Variants in HIVEP3 observed in about 807,000 individuals in gnomAD.
HIVEP3 encodes the protein HIVEP zinc finger 3, also known as transcription factor HIVEP3.
A neutral mutation model predicts 152.8 loss-of-function variants in HIVEP3; 49 were observed. That is an observed-to-expected ratio of 0.32 (90% CI 0.26 to 0.41). The LOEUF is 0.41. Among genes scored for constraint, HIVEP3 ranks in the 10% least tolerant of loss-of-function variants. The probability of loss-of-function intolerance (pLI) is 1.00; values close to 1 mark genes in which losing one functional copy is unlikely to be tolerated. For missense variants in HIVEP3, 2,790 were observed against 3,103.3 expected (o/e 0.90, Z 2.40); for synonymous variants, 1,269 against 1,289.0 (o/e 0.98, Z 0.33).
At chr1:41,666,952 C>G (rs1239395257) in intron 2 of HIVEP3, among the ~76,000 whole-genome samples, 2 of 152,184 alleles carry the variant, frequency 1.3e-5, no homozygotes, top group Non-Finnish European at 2.9e-5. Flanking sequence ...ACATTTTGCA[C>G]ATGCAGTTCC....
chr1:41,697,344 C>T (rs539498463), intron 2 of HIVEP3, among the ~76,000 whole-genome samples: 6 of 152,308 alleles, frequency 3.9e-5, no homozygotes, highest in Admixed American at 1.3e-4. Context: ...AAAACAACAA[C>T]AAAAACACCC....
intron 2 of HIVEP3, among the ~76,000 whole-genome samples, chr1:41,685,103 C>T (rs1452972785): frequency 1.3e-5 from 2 of 152,186 alleles, no homozygotes; most frequent in Admixed American, 1.3e-4. Flanking sequence ...CTGTCCCATC[C>T]ATACACTGAA....
chr1:41,684,744 T>G (rs1646089790), intron 2 of HIVEP3, among the ~76,000 whole-genome samples: 1 of 152,234 alleles, frequency 6.6e-6, no homozygotes, highest in South Asian at 2.1e-4. Context: ...CCGCAGACCA[T>G]GAACTTAAGA....
intron 2 of HIVEP3, among the ~76,000 whole-genome samples, chr1:41,680,277 G>A (rs563697781): frequency 3.3e-5 from 5 of 152,292 alleles, no homozygotes; most frequent in Non-Finnish European, 5.9e-5. Context: ...GCATGTCCAA[G>A]GTATCTAAGA....
At chr1:42,004,795 C>T (rs1645449027) in intron 1 of HIVEP3, among the ~76,000 whole-genome samples, 1 of 152,158 alleles carries the variant, frequency 6.6e-6, no homozygotes, top group Non-Finnish European at 1.5e-5. Flanking sequence ...CCACCCTGGA[C>T]CTACTGACTT....
chr1:41,778,054 T>G (rs1164228838), intron 1 of HIVEP3, among the ~76,000 whole-genome samples: 1 of 151,952 alleles, frequency 6.6e-6, no homozygotes, highest in African/African-American at 2.4e-5. Context: ...CTCCTGGGGG[T>G]GTTGTTCTGG....
chr1:41,580,721 C>G lies in HIVEP3; in HGVS notation c.4077G>C (p.Glu1359Asp). The G allele has an allele frequency of 6.3e-7, 1 of 1,594,216 alleles. No individual in the cohort carries two copies. The highest frequency in any genetic ancestry group is 8.5e-7 in the Non-Finnish European group (1 of 1,170,244). The part of the protein sequence containing the change: ...SSATVALPKF[E>D]EPPSKGTTVC... ...CAGTCGTCCCCTTTGATGGGGGTTCCTCAAACTTGGGAAGTGCCACAGTTG... is the reference window on the plus strand; with the variant it reads ...CAGTCGTCCCCTTTGATGGGGGTTCGTCAAACTTGGGAAGTGCCACAGTTG... The change falls in exon 4 of 9, where the codon GAG becomes GAC. Residue 1359 changes from glutamate (E) to aspartate (D), a missense_variant. By Grantham distance (45) the Glu-to-Asp change is conservative. Around this residue, in one of 9 missense-constraint regions of HIVEP3, gnomAD observed 1,078 missense variants for 1,165.3 expected, o/e 0.93. Transcript: ENST00000372583.
chr1:41,700,553 C>T (rs972034308), intron 2 of HIVEP3, among the ~76,000 whole-genome samples: 3 of 152,120 alleles, frequency 2.0e-5, no homozygotes, highest in African/African-American at 7.2e-5. Flanking sequence ...TGGCTTGAGC[C>T]CTGCTGGGTT....
At position 41,513,498 on chromosome 1, in the gene HIVEP3, G is replaced by C. The variant is rs1642508181; in HGVS notation, c.5723C>G (p.Ser1908Cys). 3 of 1,607,588 alleles carry C rather than the reference G, an allele frequency of 1.9e-6. No homozygotes were observed. In the South Asian group the frequency reaches 3.3e-5, roughly 18 times the overall value. Residue 1908 changes from serine to cysteine, a missense_variant, in exon 8 of 9, where the codon TCT becomes TGT. Coordinates refer to ENST00000372583, the MANE Select transcript of HIVEP3 (RefSeq NM_024503.5). The part of the protein sequence containing the change: ...LGPQPPDAPA[S>C]GTEATRGSSV... ...GCTGCCTCGTGTAGCCTCCGTGCCA[G>C]AGGCGGGGGCATCTGGGGGCTGAGG... is the stretch of plus-strand genomic sequence containing the variant.
At chr1:42,034,778 A>C (rs1645631912) in intron 1 of HIVEP3, among the ~76,000 whole-genome samples, 1 of 152,212 alleles carries the variant, frequency 6.6e-6, no homozygotes, top group Non-Finnish European at 1.5e-5. Flanking sequence ...TAACTGAGGA[A>C]CACTCAGTTA....
chr1:41,584,619 G>T lies in HIVEP3; in HGVS notation c.179C>A (p.Pro60Gln). Residue 60 changes from proline to glutamine, a missense_variant, in exon 4 of 9, where the codon CCG becomes CAG. Pro to Gln is a moderately conservative substitution (Grantham distance 76, BLOSUM62 -1). This residue lies in a region of HIVEP3 where 209 missense variants were observed against 237.0 expected (regional missense o/e 0.88). Coordinates refer to ENST00000372583, the MANE Select transcript of HIVEP3 (RefSeq NM_024503.5). This position sits in a 1 kb window ranked among gnomAD's most constrained non-coding sequence, Gnocchi z 5.2. ...TTCCCTAAGAACTGATGAGGGGCCCGGGAAGGGCTGCGGGGCTAAGAGCTC... is the reference window on the plus strand; with the variant it reads ...TTCCCTAAGAACTGATGAGGGGCCCTGGAAGGGCTGCGGGGCTAAGAGCTC... Reference protein sequence around the residue: ...AQELLAPQPFPGPSSVLREGS... With the variant: ...AQELLAPQPFQGPSSVLREGS... 1 of 1,609,984 alleles carries T rather than the reference G, an allele frequency of 6.2e-7. No individual in the cohort carries two copies. Among genetic ancestry groups the T allele is most frequent in the Non-Finnish European group, 8.5e-7 (1 of 1,177,370 alleles).
chr1:41,564,406 C>T (rs190711556), intron 5 of HIVEP3, among the ~76,000 whole-genome samples: 3 of 152,296 alleles, frequency 2.0e-5, no homozygotes, highest in African/African-American at 7.2e-5. Flanking sequence ...AATCAAAGAA[C>T]TCAAGACATT....
At chr1:41,555,461 C>T (rs773628195) in intron 5 of HIVEP3, among the ~76,000 whole-genome samples, 10 of 152,216 alleles carry the variant, frequency 6.6e-5, no homozygotes, top group Non-Finnish European at 1.3e-4. Flanking sequence ...CCGGGTGAGG[C>T]GATGCCCTGC....
intron 1 of HIVEP3, among the ~76,000 whole-genome samples, chr1:41,862,013 G>A: frequency 6.6e-6 from 1 of 152,118 alleles, no homozygotes. Flanking sequence ...TGAAGGATGA[G>A]TCAGGGGCAG....
intron 1 of HIVEP3, among the ~76,000 whole-genome samples, chr1:42,014,755 C>T (rs915675363): frequency 6.6e-6 from 1 of 152,162 alleles, no homozygotes; most frequent in African/African-American, 2.4e-5. Context: ...AATTACTTAA[C>T]CAACCCTTGA....
intron 1 of HIVEP3, among the ~76,000 whole-genome samples, chr1:41,713,087 C>T (rs972545414): frequency 2.6e-5 from 4 of 152,218 alleles, no homozygotes; most frequent in African/African-American, 9.6e-5. Flanking sequence ...TCTCACAGAG[C>T]CCCTGGGAGG....
chr1:41,646,352 G>T (rs1032366891), intron 2 of HIVEP3, among the ~76,000 whole-genome samples: 7 of 152,210 alleles, frequency 4.6e-5, no homozygotes, highest in African/African-American at 1.7e-4. Flanking sequence ...CCTTCAGCAT[G>T]CGGACACAGC....
intron 3 of HIVEP3, among the ~76,000 whole-genome samples, chr1:41,605,922 C>T (rs183982194): frequency 5.9e-5 from 9 of 152,232 alleles, no homozygotes; most frequent in East Asian, 3.9e-4. Flanking sequence ...AACCTTCTCA[C>T]GGTCATGATA....
intron 1 of HIVEP3, among the ~76,000 whole-genome samples, chr1:41,888,957 CCACA>C (rs147686165): frequency 0.034 from 4,595 of 134,014 alleles, 232 homozygotes; most frequent in African/African-American, 0.15. Context: ...ACCACACATG[CCACA>C]CACACACACA....
Sources: gnomAD v4.1 joint callset for allele counts (sites outside exome capture counted in the v4.1 genomes callset) on GRCh38, gnomAD v4.1.1 for gene constraint, gnomAD v4.1.1 regional missense constraint, Gnocchi (gnomAD v3.1) non-coding constraint, MANE v1.5 for transcripts, NCBI Gene and HGNC (gene_info 2026-07-23, HGNC 2026-07-21) for gene names.